HMGB1: variants seen among roughly 807,000 people sequenced by gnomAD.
The protein encoded by HMGB1 is high mobility group box 1, also known as high mobility group protein B1.
For synonymous variants in HMGB1, 81 were observed against 84.0 expected (o/e 0.96, Z 0.19); for missense variants, 79 against 253.5 (o/e 0.31, Z 4.67).
intron 1 of HMGB1, chr13:30,465,267 T>TCGCCCGCCGCGGCGCCCCGCCCG (rs1886700905): frequency 1.1e-5 from 1 of 91,250 alleles, no homozygotes; most frequent in African/African-American, 4.8e-5. Flanking sequence ...CGCGCCGCCC[T>TCGCCCGCCGCGGCGCCCCGCCCG]CGCCCGCCGC....
intron 1 of HMGB1, among the ~76,000 whole-genome samples, chr13:30,524,340 A>G (rs1888312343): frequency 5.6e-5 from 1 of 17,762 alleles, no homozygotes; most frequent in Admixed American, 5.8e-4. Context: ...AGTATATTAA[A>G]AAAAAAAAAA....
At chr13:30,564,576 C>T (rs962779193) in intron 1 of HMGB1, among the ~76,000 whole-genome samples, 5 of 152,194 alleles carry the variant, frequency 3.3e-5, no homozygotes, top group Admixed American at 6.5e-5. Flanking sequence ...GTTTATAATA[C>T]CTAAAAGTAA....
chr13:30,511,839 G>A (rs1490868164), intron 1 of HMGB1, among the ~76,000 whole-genome samples: 2 of 152,092 alleles, frequency 1.3e-5, no homozygotes, highest in African/African-American at 2.4e-5. Context: ...CACCTCTAGA[G>A]GTTCCCTACT....
chr13:30,500,578 G>A (rs1887713383), intron 1 of HMGB1, among the ~76,000 whole-genome samples: 1 of 143,558 alleles, frequency 7.0e-6, no homozygotes, highest in Admixed American at 6.8e-5. Context: ...GTCTCATTCT[G>A]TTGCCCAGGC....
rs576224165 is a variant in HMGB1 at position 30,592,409 on chromosome 13, T to C, written c.-15+24262A>G. ...AAATTACCAGTCTTCCCAGGTAATATAATTTAAGTTAAAGAACATCTACAT... is the reference window on the plus strand; with the variant it reads ...AAATTACCAGTCTTCCCAGGTAATACAATTTAAGTTAAAGAACATCTACAT... On this transcript the variant is annotated intron_variant, in intron 1 of 4. Transcript: ENST00000405805. Among the ~76,000 whole-genome samples the C allele has an allele frequency of 1.2e-3, 186 of 152,274 alleles. 1 individual carries two copies. The highest frequency in any genetic ancestry group is 3.4e-3 in the Middle Eastern group (1 of 294).
At chr13:30,544,444 C>T (rs964532998) in intron 1 of HMGB1, among the ~76,000 whole-genome samples, 9 of 152,186 alleles carry the variant, frequency 5.9e-5, no homozygotes, top group Admixed American at 2.6e-4. Flanking sequence ...CCCCAACCTC[C>T]GGGGAGGGAA....
At chr13:30,523,269 T>A (rs1227178342) in intron 1 of HMGB1, among the ~76,000 whole-genome samples, 5 of 152,242 alleles carry the variant, frequency 3.3e-5, no homozygotes, top group Non-Finnish European at 5.9e-5. Context: ...ATGAACTATC[T>A]CCTTTTTGTG....
rs148529992 is a variant in HMGB1, at chr13:30,519,257, G to A, written c.-14-55563C>T. 2.3e-3 allele frequency among the ~76,000 whole-genome samples: 346 copies of A among 151,834 alleles called. 1 individual carries two copies. The highest frequency in any genetic ancestry group is 7.8e-3 in the African/African-American group (324 of 41,384). On this transcript the variant is annotated intron_variant, in intron 1 of 4. Transcript: ENST00000405805. ...AAAATACAAAAATTAGGGAGACGTGGTGGCACACATCTGTAGTCCCAGCTA... is the reference window on the plus strand; with the variant it reads ...AAAATACAAAAATTAGGGAGACGTGATGGCACACATCTGTAGTCCCAGCTA...
intron 1 of HMGB1, among the ~76,000 whole-genome samples, chr13:30,564,497 C>T (rs541102547): frequency 2.0e-5 from 3 of 151,824 alleles, no homozygotes; most frequent in Admixed American, 6.6e-5. Flanking sequence ...ACAAACAAAC[C>T]GCTGCCCTGT....
intron 1 of HMGB1, among the ~76,000 whole-genome samples, chr13:30,551,694 C>T (rs1869436086): frequency 6.6e-6 from 1 of 152,134 alleles, no homozygotes; most frequent in Non-Finnish European, 1.5e-5. Context: ...TGGTGTCCCA[C>T]TAACCACTGC....
intron 1 of HMGB1, among the ~76,000 whole-genome samples, chr13:30,551,294 C>G (rs751942552): frequency 6.6e-6 from 1 of 152,160 alleles, no homozygotes; most frequent in African/African-American, 2.4e-5. Flanking sequence ...TCTTCCTTCT[C>G]TTTGGGGTTT....
intron 1 of HMGB1, among the ~76,000 whole-genome samples, chr13:30,538,613 CTT>C (rs1467174030): frequency 3.1e-5 from 3 of 97,058 alleles, no homozygotes; most frequent in Non-Finnish European, 5.9e-5. Context: ...CTTTCTTTCT[CTT>C]TCTCTCTCTC....
chr13:30,513,274 C>G (rs2137465701), intron 1 of HMGB1, among the ~76,000 whole-genome samples: 1 of 152,300 alleles, frequency 6.6e-6, no homozygotes, highest in East Asian at 1.9e-4. Flanking sequence ...GCTTTTGGCT[C>G]TTTAGTCACT....
chr13:30,566,630 T>C (rs994929035), intron 1 of HMGB1, among the ~76,000 whole-genome samples: 2 of 152,246 alleles, frequency 1.3e-5, no homozygotes, highest in African/African-American at 4.8e-5. Flanking sequence ...GAAGCAATGA[T>C]ATCTCGATCC....
Position 30,559,901 on chromosome 13 carries a change from T to C in HMGB1, c.-15+56770A>G, listed in dbSNP as rs147852831. On this transcript the variant is annotated intron_variant, in intron 1 of 4. Coordinates refer to the HMGB1 transcript ENST00000405805. This position sits in a 1 kb window ranked among gnomAD's most constrained non-coding sequence, Gnocchi z 6.6. Reference sequence around the variant, plus strand: ...TATGCATTCATTCACCAAAATCTCATATTCCCAAAAAGCAGGAAAGGTAGT... The same window carrying C: ...TATGCATTCATTCACCAAAATCTCACATTCCCAAAAAGCAGGAAAGGTAGT... Among the ~76,000 whole-genome samples the C allele has an allele frequency of 6.6e-6, 1 of 152,308 alleles. No individual in the cohort carries two copies. The highest frequency in any genetic ancestry group is 2.4e-5 in the African/African-American group (1 of 41,564).
rs141791842 is a variant in HMGB1, at chr13:30,606,848, A to G, written c.-15+9823T>C. 3.4e-3 allele frequency among the ~76,000 whole-genome samples: 524 copies of G among 152,358 alleles called. 1 individual carries two copies. Among genetic ancestry groups the G allele is most frequent in the African/African-American group, 0.011 (464 of 41,584 alleles). On this transcript the variant is annotated intron_variant, in intron 1 of 4. Transcript: ENST00000405805. ...TTATGTTAAAACATCTTCTGCCACA[A>G]TCTTCAAGTGATTTATCTTTTCTGT...
chr13:30,519,446 A>G (rs1445158761), intron 1 of HMGB1, among the ~76,000 whole-genome samples: 1 of 150,442 alleles, frequency 6.6e-6, no homozygotes, highest in Middle Eastern at 3.5e-3. Context: ...CTGTAATCCC[A>G]GCACTTTGGG....
rs1886248143 is a variant in HMGB1 at position 30,460,432 on chromosome 13, A to G, written c.*925T>C. On this transcript the variant is annotated 3_prime_UTR_variant, in exon 5 of 5. Transcript: ENST00000341423. ...ATTTAATATGGCAGTCTTGTATTTT[A>G]AGCTCACGCTTTTGGGGATACATTC... 1 of 151,648 alleles carries G rather than the reference A, an allele frequency of 6.6e-6. No homozygotes were observed. 9.4% of individuals were successfully genotyped at this position (151,648 alleles called of 1,614,324 possible).
intron 1 of HMGB1, among the ~76,000 whole-genome samples, chr13:30,525,717 A>G (rs1253707163): frequency 1.6e-5 from 1 of 60,954 alleles, no homozygotes; most frequent in South Asian, 4.4e-4. Context: ...CATTATTAAC[A>G]TAAAAAAAAA....
Sources: gnomAD v4.1 joint callset for allele counts (sites outside exome capture counted in the v4.1 genomes callset) on GRCh38, gnomAD v4.1.1 for gene constraint, Gnocchi (gnomAD v3.1) non-coding constraint, MANE v1.5 for transcripts, NCBI Gene and HGNC (gene_info 2026-07-23, HGNC 2026-07-21) for gene names.